The following PAGR1 variants were observed in gnomAD, a reference collection of about 807,000 sequenced individuals.
PAGR1 encodes the protein PAXIP1-associated glutamate-rich protein 1.
A neutral mutation model predicts 22.4 loss-of-function variants in PAGR1; 20 were observed. The observed-to-expected ratio is 0.89, with a 90% CI of 0.63 to 1.30. The LOEUF (loss-of-function observed/expected upper bound fraction) is 1.30, where lower values mean the gene tolerates loss of function less well. Among genes scored for constraint, PAGR1 ranks in the 50% most tolerant of loss-of-function variants. PAGR1 has a pLI of 0.00. For missense variants in PAGR1, 338 were observed against 343.6 expected (o/e 0.98, Z 0.13); for synonymous variants, 161 against 148.3 (o/e 1.09, Z -0.62).
At chr16:29,819,530 T>C (rs773379676) in intron 2 of PAGR1, 25 bp from the exon 3 acceptor site, 24 of 1,613,048 alleles carry the variant, frequency 1.5e-5, no homozygotes, top group Non-Finnish European at 1.7e-5. Context: ...ATCCCTTCCA[T>C]GTATCTTACC....
Position 29,819,262 on chromosome 16 carries a change from C to A in PAGR1, c.566-293C>A, listed in dbSNP as rs147054180. ...CATTACAAGCGTGAACCACCATGCC[C>A]GGCCTGCACTCTTCTTTGAACAGAA... On this transcript the variant is annotated intron_variant, in intron 2 of 2. Coordinates refer to ENST00000320330, the MANE Select transcript of PAGR1 (RefSeq NM_024516.4). 4.7e-3 allele frequency among the ~76,000 whole-genome samples: 714 copies of A among 152,274 alleles called. 4 individuals are homozygous for A. Among genetic ancestry groups the A allele is most frequent in the Non-Finnish European group, 8.1e-3 (552 of 68,008 alleles).
Position 29,819,801 on chromosome 16 carries a change from G to A in PAGR1, c.*47G>A. ...GGGTGCAGTGTCCGTACCTGCTGGAGCCTGGGCCCTCCTTCCCCAGCCCAG... is the reference window on the plus strand; with the variant it reads ...GGGTGCAGTGTCCGTACCTGCTGGAACCTGGGCCCTCCTTCCCCAGCCCAG... On this transcript the variant is annotated 3_prime_UTR_variant, in exon 3 of 3. Coordinates refer to ENST00000320330, the MANE Select transcript of PAGR1 (RefSeq NM_024516.4). 1 of 1,553,826 alleles carries A rather than the reference G, an allele frequency of 6.4e-7. No homozygotes were observed. The highest frequency in any genetic ancestry group is 1.2e-5 in the South Asian group (1 of 85,882).
intron 2 of PAGR1, chr16:29,818,638 T>G (rs1222374208): frequency 2.6e-5 from 4 of 152,268 alleles, no homozygotes; most frequent in African/African-American, 9.6e-5. Context: ...CTTGGCTCAC[T>G]GCAATCTCCA....
Position 29,817,398 on chromosome 16 carries a change from C to T in PAGR1, c.565+106C>T, listed in dbSNP as rs368536735. 2,264 of 975,762 alleles carry T rather than the reference C, an allele frequency of 2.3e-3. 67 individuals are homozygous for T. In the South Asian group the frequency reaches 0.029, roughly 12 times the overall value. The allele number at this position is 975,762 out of a possible 1,614,324, so 60.4% of individuals were successfully genotyped here. A position where few individuals can be genotyped will look rare whatever the true frequency, so the allele number is the denominator to read the frequency against. Reference sequence around the variant, plus strand: ...GCTTGCTGCCTCAGCTCCCACACAACTTACAGCTGCAGGAGAGAGTATTCA... The same window carrying T: ...GCTTGCTGCCTCAGCTCCCACACAATTTACAGCTGCAGGAGAGAGTATTCA... On this transcript the variant is annotated intron_variant, in intron 2 of 2. Transcript: ENST00000320330.
Position 29,816,545 on chromosome 16 carries a change from A to G in PAGR1, c.20A>G (p.His7Arg). MSLARG[H>R]GDTAASTAAP... ...TGGCCTATGTCCCTTGCTCGGGGCC[A>G]TGGAGACACTGCGGCCAGTACGGCG... Residue 7 changes from histidine to arginine, a missense_variant, in exon 1 of 3, where the codon CAT becomes CGT. This residue lies in a region of PAGR1 where 235 missense variants were observed against 216.0 expected (regional missense o/e 1.09). Transcript: ENST00000320330. 7 of 1,510,812 alleles carry G rather than the reference A, an allele frequency of 4.6e-6. No homozygotes were observed. In the South Asian group the frequency reaches 6.7e-5, roughly 15 times the overall value. 93.6% of individuals were successfully genotyped at this position (1,510,812 alleles called of 1,614,324 possible). A position where few individuals can be genotyped will look rare whatever the true frequency, so the allele number is the denominator to read the frequency against.
rs377442832 is a variant in PAGR1 at position 29,817,021 on chromosome 16, C to T, written c.482+14C>T. 5.1e-6 allele frequency: 8 copies of T among 1,558,172 alleles called. No individual in the cohort carries two copies. The highest frequency in any genetic ancestry group is 5.2e-6 in the Non-Finnish European group (6 of 1,152,820). On this transcript the variant is annotated intron_variant, in intron 1 of 2. Coordinates refer to ENST00000320330, the MANE Select transcript of PAGR1 (RefSeq NM_024516.4). ...GGAAGAGGAAAAGTAAAGGCACACC[C>T]TTACACCTTGTCCCGGGGCTGCTCC... is the stretch of plus-strand genomic sequence containing the variant.
rs1418930406 is a variant in PAGR1 at position 29,819,989 on chromosome 16, G to A, written c.*235G>A. 5 of 518,538 alleles carry A rather than the reference G, an allele frequency of 9.6e-6. No individual in the cohort carries two copies. Among genetic ancestry groups the A allele is most frequent in the Non-Finnish European group, 3.4e-6 (1 of 293,252 alleles). 32.1% of individuals were successfully genotyped at this position (518,538 alleles called of 1,614,324 possible). ...TTGAACACCTATAGAGAGAGTGTGT[G>A]TGTTTTCTATTGAACATCTATATAG... On this transcript the variant is annotated 3_prime_UTR_variant, in exon 3 of 3. Coordinates refer to ENST00000320330, the MANE Select transcript of PAGR1 (RefSeq NM_024516.4).
In PAGR1 at chr16:29,816,338, C is replaced by A. The variant is rs1222491796; in HGVS notation, c.-188C>A. 4 of 495,266 alleles carry A rather than the reference C, an allele frequency of 8.1e-6. No homozygotes were observed. In the East Asian group the frequency reaches 1.4e-4, roughly 17 times the overall value. 30.7% of individuals were successfully genotyped at this position (495,266 alleles called of 1,614,324 possible). Reference sequence around the variant, plus strand: ...GAGCCTCGGAGTACCGAACCTCGATCTCCGGGGCGGGGTCCTTGGTGGGGA... The same window carrying A: ...GAGCCTCGGAGTACCGAACCTCGATATCCGGGGCGGGGTCCTTGGTGGGGA... On this transcript the variant is annotated 5_prime_UTR_variant, in exon 1 of 3. Transcript: ENST00000320330.
rs960719579 is a variant in PAGR1 at position 29,816,987 on chromosome 16, C to T, written c.462C>T (p.Ala154=). The change falls in exon 1 of 3, where the codon GCC becomes GCT. Residue 154 remains alanine (A), a synonymous_variant. Coordinates refer to ENST00000320330, the MANE Select transcript of PAGR1 (RefSeq NM_024516.4). Reference sequence around the variant, plus strand: ...AGAGATCCGATGAGGAGCCGGAGGCCAAAGAAGAGGAAGAGGAAAAGTAAA... The same window carrying T: ...AGAGATCCGATGAGGAGCCGGAGGCTAAAGAAGAGGAAGAGGAAAAGTAAA... ...EEERSDEEPE[A]KEEEEEKPHM... The T allele has an allele frequency of 1.1e-5, 17 of 1,567,462 alleles. No individual in the cohort carries two copies. In the Admixed American group the frequency reaches 2.5e-4, roughly 23 times the overall value.
chr16:29,821,706 CTG>C lies in PAGR1; in HGVS notation c.*1957_*1958del, dbSNP rs770370845. Among the ~76,000 whole-genome samples the C allele has an allele frequency of 5.3e-5, 8 of 152,230 alleles. No individual in the cohort carries two copies. The highest frequency in any genetic ancestry group is 1.0e-4 in the Non-Finnish European group (7 of 68,036). ...GACTTCCGGCTCCGTCCTTTGATAA[CTG>C]TGTGCTCTTGGGCAAATTTCTTAAC... is the stretch of plus-strand genomic sequence containing the variant. On this transcript the variant is annotated 3_prime_UTR_variant, in exon 3 of 3. Coordinates refer to ENST00000320330, the MANE Select transcript of PAGR1 (RefSeq NM_024516.4).
intron 2 of PAGR1, chr16:29,819,290 C>T (rs1462498780): frequency 6.2e-6 from 3 of 480,410 alleles, no homozygotes; most frequent in African/African-American, 1.9e-5. Context: ...GAACAGAACT[C>T]TGTTCTTGTC....
intron 2 of PAGR1, among the ~76,000 whole-genome samples, chr16:29,817,762 G>A (rs1448581851): frequency 2.0e-5 from 3 of 152,046 alleles, no homozygotes; most frequent in Non-Finnish European, 2.9e-5. Context: ...ATGAGCCAAT[G>A]CGCCTGGCCC....
intron 2 of PAGR1, 72 bp from the exon 3 acceptor site, chr16:29,819,483 G>A: frequency 6.6e-7 from 1 of 1,504,212 alleles, no homozygotes; most frequent in Non-Finnish European, 9.2e-7. Context: ...CCCAAGTGAT[G>A]AGTGAGGTCC....
chr16:29,816,887 C>T lies in PAGR1; in HGVS notation c.362C>T (p.Ala121Val), dbSNP rs759895360. The T allele has an allele frequency of 4.5e-6, 7 of 1,563,748 alleles. No individual in the cohort carries two copies. Among genetic ancestry groups the T allele is most frequent in the Non-Finnish European group, 5.2e-6 (6 of 1,156,514 alleles). ...EIQRLYELLA[A>V]HGTLELQAEI... Reference sequence around the variant, plus strand: ...CAGCGGCTCTATGAACTGCTGGCTGCCCACGGTACTCTGGAGCTGCAAGCC... The same window carrying T: ...CAGCGGCTCTATGAACTGCTGGCTGTCCACGGTACTCTGGAGCTGCAAGCC... Residue 121 changes from alanine (A) to valine (V), a missense_variant, in exon 1 of 3, where the codon GCC becomes GTC. Ala to Val is a moderately conservative substitution (Grantham distance 64, BLOSUM62 0). Coordinates refer to ENST00000320330, the MANE Select transcript of PAGR1 (RefSeq NM_024516.4).
In PAGR1 at chr16:29,816,448, C is replaced by T. The variant is rs1486007855; in HGVS notation, c.-78C>T. ...TTGGCTGGAAACGGTCCCGAACCCC[C>T]AGGGGAGCCCGATCCCTGGGGGACC... On this transcript the variant is annotated 5_prime_UTR_variant, in exon 1 of 3. Transcript: ENST00000320330. 2 of 1,361,168 alleles carry T rather than the reference C, an allele frequency of 1.5e-6. No individual in the cohort carries two copies. Among genetic ancestry groups the T allele is most frequent in the East Asian group, 2.7e-5 (1 of 37,606 alleles). 84.3% of individuals were successfully genotyped at this position (1,361,168 alleles called of 1,614,324 possible).
chr16:29,816,516 C>T lies in PAGR1; in HGVS notation c.-10C>T, dbSNP rs1211671258. ...TATCTGTCGTCGCAGGGTCCCTGCC[C>T]TAGTGGCCTATGTCCCTTGCTCGGG... On this transcript the variant is annotated 5_prime_UTR_variant, in exon 1 of 3. Coordinates refer to ENST00000320330, the MANE Select transcript of PAGR1 (RefSeq NM_024516.4). 2.7e-6 allele frequency: 4 copies of T among 1,498,218 alleles called. No individual in the cohort carries two copies. The highest frequency in any genetic ancestry group is 3.6e-6 in the Non-Finnish European group (4 of 1,124,894). The allele number at this position is 1,498,218 out of a possible 1,614,324, so 92.8% of individuals were successfully genotyped here.
Position 29,816,694 on chromosome 16 carries a change from A to G in PAGR1, c.169A>G (p.Thr57Ala), listed in dbSNP as rs777858853. 1 of 1,604,322 alleles carries G rather than the reference A, an allele frequency of 6.2e-7. No individual in the cohort carries two copies. The part of the protein sequence containing the change: ...EDEGEGGREE[T>A]EREGSGGEEA... ...CGAGGGGGAAGGAGGCCGAGAGGAG[A>G]CCGAGCGTGAGGGGTCCGGGGGCGA... The change falls in exon 1 of 3, where the codon ACC becomes GCC. Residue 57 changes from threonine to alanine, a missense_variant. By Grantham distance (58) the Thr-to-Ala change is moderately conservative. This residue lies in a region of PAGR1 where 235 missense variants were observed against 216.0 expected (regional missense o/e 1.09). Transcript: ENST00000320330.
At position 29,821,771 on chromosome 16, in the gene PAGR1, G is replaced by A. The variant is rs999537713; in HGVS notation, c.*2017G>A. Among the ~76,000 whole-genome samples, 1 of 152,112 alleles carries A rather than the reference G, an allele frequency of 6.6e-6. No individual in the cohort carries two copies. The highest frequency in any genetic ancestry group is 2.4e-5 in the African/African-American group (1 of 41,402). ...GTGAGGATAACATGAGTTAATTGAG[G>A]GCACTTAACACTACCTGGCACAGAT... On this transcript the variant is annotated 3_prime_UTR_variant, in exon 3 of 3. Transcript: ENST00000320330.
chr16:29,819,898 AGAGTGT>A lies in PAGR1; in HGVS notation c.*152_*157del, dbSNP rs1412536017. 4 of 908,194 alleles carry A rather than the reference AGAGTGT, an allele frequency of 4.4e-6. No individual in the cohort carries two copies. The highest frequency in any genetic ancestry group is 3.5e-5 in the South Asian group (2 of 56,574). The allele number at this position is 908,194 out of a possible 1,614,324, so 56.3% of individuals were successfully genotyped here. ...AGCACGTTGCGGGAAAGAGGAAGAG[AGAGTGT>A]GAGTGTGTGTGTGTGTTTTTTCTAT... On this transcript the variant is annotated 3_prime_UTR_variant, in exon 3 of 3. Coordinates refer to ENST00000320330, the MANE Select transcript of PAGR1 (RefSeq NM_024516.4).
Sources: allele counts gnomAD v4.1 joint callset (sites outside exome capture counted in the v4.1 genomes callset), GRCh38; gene constraint gnomAD v4.1.1; regional missense constraint gnomAD v4.1.1; transcripts MANE v1.5; gene names NCBI Gene and HGNC (gene_info 2026-07-23, HGNC 2026-07-21).